Variants in CTSB observed in about 807,000 individuals in gnomAD.
CTSB encodes the protein cathepsin B.
CTSB carries 57 observed loss-of-function variants against 44.3 expected under a neutral mutation model. The ratio of observed to expected loss-of-function variants is 1.29; its 90% CI spans 1.04 to 1.60. The LOEUF (loss-of-function observed/expected upper bound fraction) is 1.60, where lower values mean the gene tolerates loss of function less well. Ranked by LOEUF, CTSB falls within the 40% of genes most tolerant of loss-of-function variation. The pLI is 0.00. For missense variants in CTSB, 768 were observed against 443.0 expected, an observed-to-expected ratio of 1.73 and a Z score of -6.59; for synonymous variants, 320 against 168.0, an observed-to-expected ratio of 1.91 and a Z score of -7.00.
chr8:11,864,681 G>T (rs998287955), intron 1 of CTSB, among the ~76,000 whole-genome samples: 1 of 152,102 alleles, frequency 6.6e-6, no homozygotes, highest in African/African-American at 2.4e-5. Flanking sequence ...ACATGGCTGG[G>T]CACAGTGACT....
chr8:11,852,094 G>C (rs1214565819), intron 3 of CTSB, among the ~76,000 whole-genome samples: 1 of 152,184 alleles, frequency 6.6e-6, no homozygotes, highest in African/African-American at 2.4e-5. Context: ...GAAAACACTG[G>C]GGGTGGCTCA....
intron 3 of CTSB, among the ~76,000 whole-genome samples, chr8:11,851,555 A>G (rs1427455086): frequency 6.6e-6 from 1 of 152,144 alleles, no homozygotes; most frequent in Non-Finnish European, 1.5e-5. Context: ...GAATTTATCC[A>G]CAAATTATAA....
chr8:11,864,231 G>C (rs1816795645), intron 1 of CTSB: 1 of 150,684 alleles, frequency 6.6e-6, no homozygotes, highest in Admixed American at 6.7e-5. Context: ...GCATTTGGAA[G>C]GCCTAAGTGG....
At chr8:11,851,957 A>G (rs976334496) in intron 3 of CTSB, among the ~76,000 whole-genome samples, 4 of 152,108 alleles carry the variant, frequency 2.6e-5, no homozygotes, top group Non-Finnish European at 1.5e-5. Context: ...GTGAGCCACC[A>G]TACTTGGCCT....
At position 11,847,833 on chromosome 8, in the gene CTSB, G is replaced by A. The variant is rs1736088; in HGVS notation, c.533-11C>T. On this transcript the variant is annotated splice_polypyrimidine_tract_variant and intron_variant, in intron 6 of 9. Transcript: ENST00000353047. ...AGTACGGTCTGCACCCTGATGGGACGCGGGAGAAAGCGGAGTCAACCTACA... is the reference window on the plus strand; with the variant it reads ...AGTACGGTCTGCACCCTGATGGGACACGGGAGAAAGCGGAGTCAACCTACA... 3.8e-6 allele frequency: 6 copies of A among 1,583,666 alleles called. No homozygotes were observed. The highest frequency in any genetic ancestry group is 1.7e-4 in the Middle Eastern group (1 of 5,954).
intron 1 of CTSB, among the ~76,000 whole-genome samples, chr8:11,860,784 G>C (rs756096545): frequency 6.6e-6 from 1 of 152,228 alleles, no homozygotes; most frequent in Non-Finnish European, 1.5e-5. Flanking sequence ...GACCTTCCCA[G>C]AGTACTTTGT....
rs1464179276 is a variant in CTSB at position 11,849,138 on chromosome 8, A to C, written c.354T>G (p.Ser118=). 3 of 1,613,098 alleles carry C rather than the reference A, an allele frequency of 1.9e-6. No homozygotes were observed. Among genetic ancestry groups the C allele is most frequent in the Non-Finnish European group, 2.5e-6 (3 of 1,179,818 alleles). The change falls in exon 5 of 10, where the codon TCT becomes TCG. Residue 118 remains serine, a synonymous_variant. Transcript: ENST00000353047. The stretch of plus-strand genomic sequence containing the variant: ...CATTGGTGTGGATGCAGATCCGGTC[A>C]GAGATGGCTTCCACAGCCCCGAAGG... The part of the protein sequence containing the change: ...CWAFGAVEAI[S]DRICIHTNAH...
At chr8:11,845,425 A>T (rs1482217788) in intron 9 of CTSB, among the ~76,000 whole-genome samples, 1 of 152,038 alleles carries the variant, frequency 6.6e-6, no homozygotes, top group Non-Finnish European at 1.5e-5. Context: ...CCTTCCCATC[A>T]CAGGATCTGG....
At chr8:11,849,222 C>CA in intron 4 of CTSB, 58 bp from the exon 5 acceptor site, 1 of 1,442,398 alleles carries the variant, frequency 6.9e-7, no homozygotes, top group African/African-American at 1.4e-5. Flanking sequence ...CCCTCTGCAG[C>CA]AGTCCCCTCA....
intron 4 of CTSB, 104 bp from the exon 5 acceptor site, chr8:11,849,268 C>T (rs1313725850): frequency 1.3e-6 from 1 of 794,822 alleles, no homozygotes; most frequent in Non-Finnish European, 2.1e-6. Context: ...TTGTAGGCAA[C>T]TGATCTCTCA....
At chr8:11,857,582 T>G (rs1258294315) in intron 1 of CTSB, among the ~76,000 whole-genome samples, 1 of 152,304 alleles carries the variant, frequency 6.6e-6, no homozygotes, top group Non-Finnish European at 1.5e-5. Flanking sequence ...CTGTGGTGGC[T>G]GAGAACACAG....
chr8:11,862,528 T>C (rs186973665), intron 1 of CTSB: 1 of 152,336 alleles, frequency 6.6e-6, no homozygotes, highest in Admixed American at 6.5e-5. Context: ...GACAAGGCCT[T>C]AAAAGTTGAT....
chr8:11,854,456 T>G (rs961383875), intron 1 of CTSB, among the ~76,000 whole-genome samples: 1 of 151,866 alleles, frequency 6.6e-6, no homozygotes, highest in African/African-American at 2.4e-5. Context: ...GGAGAATAAA[T>G]ATATGAGGAC....
intron 1 of CTSB, among the ~76,000 whole-genome samples, chr8:11,859,949 G>C (rs1057132733): frequency 3.7e-4 from 56 of 151,570 alleles, no homozygotes; most frequent in African/African-American, 1.3e-3. Flanking sequence ...GGTGCTGCCT[G>C]TAGTCCCAGC....
intron 6 of CTSB, 104 bp from the exon 7 acceptor site, chr8:11,847,926 G>T: frequency 1.4e-6 from 2 of 1,426,582 alleles, no homozygotes; most frequent in South Asian, 2.7e-5. Context: ...GGCAGGTCCT[G>T]CCAGAGGCCT....
intron 5 of CTSB, 38 bp downstream of exon 5, chr8:11,849,008 C>A: frequency 6.6e-7 from 1 of 1,510,378 alleles, no homozygotes. Flanking sequence ...CAGGGTCTCT[C>A]AGCACTAAAC....
At chr8:11,867,302 G>A (rs73663034) in intron 1 of CTSB, 2 of 152,324 alleles carry the variant, frequency 1.3e-5, no homozygotes, top group African/African-American at 4.8e-5. Context: ...CCCTTTACTG[G>A]AGTCCAGGAG....
intron 5 of CTSB, 116 bp from the exon 6 acceptor site, chr8:11,848,268 G>T: frequency 1.1e-6 from 1 of 881,932 alleles, no homozygotes; most frequent in Non-Finnish European, 1.9e-6. Flanking sequence ...GCTGCAGCAA[G>T]TGGTGCGAGC....
At chr8:11,846,090 T>C (rs1813274187) in intron 8 of CTSB, 1 of 212,538 alleles carries the variant, frequency 4.7e-6, no homozygotes, top group Non-Finnish European at 9.3e-6. Flanking sequence ...TAATGCTAGA[T>C]GACTGATTCA....
Sources: allele counts gnomAD v4.1 joint callset (sites outside exome capture counted in the v4.1 genomes callset), GRCh38; gene constraint gnomAD v4.1.1; transcripts MANE v1.5; gene names NCBI Gene and HGNC (gene_info 2026-07-23, HGNC 2026-07-21).